NAA16: variants seen among roughly 807,000 people sequenced by gnomAD.
The protein encoded by NAA16 is NARG1-like protein.
A neutral mutation model predicts 110.3 loss-of-function variants in NAA16; 97 were observed. The ratio of observed to expected loss-of-function variants is 0.88; its 90% CI spans 0.75 to 1.04. The LOEUF is 1.04. Among genes scored for constraint, NAA16 ranks in the 50% least tolerant of loss-of-function variants. The pLI is 0.00. For missense variants in NAA16, 1,017 were observed against 1,005.1 expected (o/e 1.01, Z -0.16); for synonymous variants, 372 against 330.6 (o/e 1.13, Z -1.36).
intron 9 of NAA16, among the ~76,000 whole-genome samples, chr13:41,353,171 C>T (rs990114459): frequency 2.6e-5 from 4 of 151,370 alleles, no homozygotes; most frequent in South Asian, 4.2e-4. Flanking sequence ...CATAAACGTC[C>T]GCCCTTTTAA....
At chr13:41,357,146 C>A (rs1226061518) in intron 10 of NAA16, among the ~76,000 whole-genome samples, 2 of 152,164 alleles carry the variant, frequency 1.3e-5, no homozygotes, top group Non-Finnish European at 2.9e-5. Context: ...CAAAGTGAGA[C>A]CCTGTCCCTA....
At chr13:41,357,008 T>TA (rs1157350020) in intron 10 of NAA16, among the ~76,000 whole-genome samples, 1 of 152,192 alleles carries the variant, frequency 6.6e-6, no homozygotes, top group Admixed American at 6.5e-5. Flanking sequence ...GTCAGCCTGT[T>TA]ATACTCATTA....
chr13:41,374,631 C>G (rs2043392167), intron 18 of NAA16, 111 bp from the exon 19 acceptor site: 7 of 687,088 alleles, frequency 1.0e-5, no homozygotes, highest in Admixed American at 5.9e-5. Flanking sequence ...CCAGCTCCAG[C>G]TTACCACTGA....
chr13:41,340,657 T>TG, intron 9 of NAA16, among the ~76,000 whole-genome samples: 1 of 1,642 alleles, frequency 6.1e-4, no homozygotes, highest in Admixed American at 5.7e-3. Context: ...GTTTTTTTTT[T>TG]TTTTTTTTTT....
In NAA16 at chr13:41,361,124, GTGACAAAACT is replaced by G. The variant is rs534615632; in HGVS notation, c.1411-903_1411-894del. On this transcript the variant is annotated intron_variant, in intron 12 of 19. Coordinates refer to ENST00000379406, the MANE Select transcript of NAA16 (RefSeq NM_024561.5). ...ATATTTTAAATGTCTCTTCTAAACT[GTGACAAAACT>G]TGAGTATCCTTGCACTTAAAATTCG... Among the ~76,000 whole-genome samples the G allele has an allele frequency of 1.2e-3, 190 of 152,266 alleles. 1 individual carries two copies. Among genetic ancestry groups the G allele is most frequent in the African/African-American group, 4.3e-3 (180 of 41,554 alleles).
At position 41,374,848 on chromosome 13, in the gene NAA16, T is replaced by C; in HGVS notation, c.2397+9T>C. 1 of 1,552,682 alleles carries C rather than the reference T, an allele frequency of 6.4e-7. No homozygotes were observed. Among genetic ancestry groups the C allele is most frequent in the South Asian group, 1.1e-5 (1 of 87,304 alleles). On this transcript the variant is annotated intron_variant, in intron 19 of 19. Transcript: ENST00000379406. ...AAGATAAAGATGTAAAGGTAAGTTT[T>C]TTTTCTTTGGCTGATTTATGCTTAC... is the stretch of plus-strand genomic sequence containing the variant.
intron 1 of NAA16, among the ~76,000 whole-genome samples, chr13:41,312,028 C>T (rs1324531702): frequency 6.6e-6 from 1 of 152,226 alleles, no homozygotes; most frequent in African/African-American, 2.4e-5. Context: ...TTGCACAGCA[C>T]ACCCGCATAC....
chr13:41,327,992 A>T (rs1352242194), intron 6 of NAA16: 2 of 152,070 alleles, frequency 1.3e-5, no homozygotes, highest in African/African-American at 4.8e-5. Context: ...AGACATTTTA[A>T]AGGGTTATTT....
At chr13:41,351,863 A>G (rs1410804548) in intron 9 of NAA16, among the ~76,000 whole-genome samples, 1 of 152,240 alleles carries the variant, frequency 6.6e-6, no homozygotes, top group Non-Finnish European at 1.5e-5. Context: ...CTTTAAAATA[A>G]TGGAGGCAAA....
intron 1 of NAA16, among the ~76,000 whole-genome samples, chr13:41,315,003 T>C (rs1047306697): frequency 6.6e-6 from 1 of 151,764 alleles, no homozygotes; most frequent in African/African-American, 2.4e-5. Context: ...AAAAAATAAA[T>C]AAGAAAGATA....
Position 41,358,871 on chromosome 13 carries a change from C to A in NAA16, c.1319C>A (p.Ala440Asp). 6.2e-7 allele frequency: 1 copy of A among 1,612,606 alleles called. No homozygotes were observed. Among genetic ancestry groups the A allele is most frequent in the South Asian group, 1.1e-5 (1 of 90,944 alleles). Residue 440 changes from alanine to aspartate, a missense_variant, in exon 12 of 20, where the codon GCT (alanine) becomes GAT (aspartate). Transcript: ENST00000379406. The part of the protein sequence containing the change: ...WMDEAQSLDT[A>D]DRFINSKCAK... Reference sequence around the variant, plus strand: ...GATGAAGCACAGTCTTTGGACACAGCTGATAGATTCATCAATTCCAAATGT... The same window carrying A: ...GATGAAGCACAGTCTTTGGACACAGATGATAGATTCATCAATTCCAAATGT...
chr13:41,321,476 C>G (rs920225838), intron 4 of NAA16, among the ~76,000 whole-genome samples: 1 of 152,166 alleles, frequency 6.6e-6, no homozygotes, highest in Non-Finnish European at 1.5e-5. Context: ...TACGCCTGGC[C>G]ATAACTGTTT....
intron 6 of NAA16, among the ~76,000 whole-genome samples, chr13:41,327,473 A>T (rs1593432227): frequency 6.6e-6 from 1 of 152,000 alleles, no homozygotes; most frequent in East Asian, 1.9e-4. Context: ...AAAAAAACAA[A>T]TAGGGAATGC....
chr13:41,355,847 A>G (rs2042968054), intron 10 of NAA16, among the ~76,000 whole-genome samples: 1 of 151,726 alleles, frequency 6.6e-6, no homozygotes, highest in African/African-American at 2.4e-5. Flanking sequence ...TGCTTTTTCT[A>G]CCCTCTTATT....
At chr13:41,370,105 GT>G (rs1388240047) in intron 15 of NAA16, among the ~76,000 whole-genome samples, 1 of 152,168 alleles carries the variant, frequency 6.6e-6, no homozygotes, top group African/African-American at 2.4e-5. Context: ...GAAATATTTA[GT>G]TTTCTGGTTT....
chr13:41,315,926 C>T (rs1298035576), intron 1 of NAA16, among the ~76,000 whole-genome samples: 3 of 152,062 alleles, frequency 2.0e-5, no homozygotes, highest in Non-Finnish European at 4.4e-5. Flanking sequence ...TGCACCACCA[C>T]GCCTGAGGAA....
intron 9 of NAA16, among the ~76,000 whole-genome samples, chr13:41,353,640 G>A (rs1282366439): frequency 1.3e-5 from 2 of 151,372 alleles, no homozygotes; most frequent in Non-Finnish European, 2.9e-5. Flanking sequence ...GGTAATACAT[G>A]CCTGTAGTCT....
At position 41,373,791 on chromosome 13, in the gene NAA16, A is replaced by G. The variant is rs777273774; in HGVS notation, c.2299+11A>G. On this transcript the variant is annotated intron_variant, in intron 18 of 19. Transcript: ENST00000379406. ...AGCATCTACTTTCAGGTTTGTTTGT[A>G]GCCCCCAGGGTTAAAATACTTATGG... The G allele has an allele frequency of 6.3e-7, 1 of 1,586,396 alleles. No individual in the cohort carries two copies. Among genetic ancestry groups the G allele is most frequent in the Non-Finnish European group, 8.5e-7 (1 of 1,170,828 alleles).
intron 10 of NAA16, among the ~76,000 whole-genome samples, chr13:41,357,165 T>TA (rs1315715486): frequency 1.3e-5 from 2 of 152,144 alleles, no homozygotes; most frequent in African/African-American, 4.8e-5. Context: ...TACAAAAAAT[T>TA]AAAATATTAG....
Sources: gnomAD v4.1 joint callset for allele counts (sites outside exome capture counted in the v4.1 genomes callset) on GRCh38, gnomAD v4.1.1 for gene constraint, MANE v1.5 for transcripts, NCBI Gene and HGNC (gene_info 2026-07-23, HGNC 2026-07-21) for gene names.